Variants in RPRD2 observed in about 807,000 individuals in gnomAD.
RPRD2 encodes regulation of nuclear pre-mRNA domain-containing protein 2.
RPRD2 carries 12 observed loss-of-function variants against 104.4 expected under a neutral mutation model. That is an observed-to-expected ratio of 0.11 (90% CI 0.07 to 0.19). RPRD2 has a LOEUF of 0.19. RPRD2 is among the 10% of genes least tolerant of loss of function. The probability of loss-of-function intolerance (pLI) is 1.00; values close to 1 mark genes in which losing one functional copy is unlikely to be tolerated. For missense variants in RPRD2, 1,543 were observed against 1,790.1 expected, an observed-to-expected ratio of 0.86 and a Z score of 2.49; for synonymous variants, 714 against 684.9, an observed-to-expected ratio of 1.04 and a Z score of -0.66.
chr1:150,383,176 G>A (rs1203082495), intron 1 of RPRD2, among the ~76,000 whole-genome samples: 1 of 150,202 alleles, frequency 6.7e-6, no homozygotes, highest in African/African-American at 2.5e-5. Context: ...AAAATTTTTT[G>A]TAGAGATGAT....
intron 8 of RPRD2, among the ~76,000 whole-genome samples, chr1:150,458,315 G>A (rs943290168): frequency 7.2e-5 from 11 of 151,956 alleles, no homozygotes; most frequent in Non-Finnish European, 1.2e-4. Context: ...ATTAGTCAGC[G>A]TGGTGGCATG....
rs139603337 is a variant in RPRD2 at position 150,405,135 on chromosome 1, C to T, written c.206-12461C>T. The stretch of plus-strand genomic sequence containing the variant: ...TGGTTTGTTACAGATTTTTGTGATT[C>T]GCAGATCCTGGGTGAAAATGTATAC... On this transcript the variant is annotated intron_variant, in intron 1 of 10. Transcript: ENST00000369068. Among the ~76,000 whole-genome samples, 84 of 152,116 alleles carry T rather than the reference C, an allele frequency of 5.5e-4. No homozygotes were observed. The East Asian group carries it at 0.015, about 28-fold the overall frequency.
At chr1:150,379,925 G>C (rs139150054) in intron 1 of RPRD2, among the ~76,000 whole-genome samples, 5 of 152,096 alleles carry the variant, frequency 3.3e-5, no homozygotes, top group African/African-American at 9.7e-5. Context: ...CAATATAAAG[G>C]GTTTCTGAAA....
chr1:150,443,801 C>T (rs1375638819), intron 5 of RPRD2, among the ~76,000 whole-genome samples: 2 of 151,292 alleles, frequency 1.3e-5, no homozygotes, highest in African/African-American at 2.4e-5. Context: ...GTCAGGAGAT[C>T]GAGACCATCC....
chr1:150,456,931 A>G (rs1192524105), intron 7 of RPRD2, among the ~76,000 whole-genome samples: 12 of 151,192 alleles, frequency 7.9e-5, no homozygotes, highest in Non-Finnish European at 2.9e-5. Context: ...TTCTCAAAAA[A>G]AAAAAGAAGA....
rs1399734899 is a variant in RPRD2, at chr1:150,471,210, T to A, written c.2262T>A (p.Ser754=). The A allele has an allele frequency of 1.9e-6, 3 of 1,613,438 alleles. No homozygotes were observed. In the East Asian group the frequency reaches 6.7e-5, roughly 36 times the overall value. The change falls in exon 11 of 11, where the codon TCT becomes TCA. Residue 754 remains serine, a synonymous_variant. Coordinates refer to ENST00000369068, the MANE Select transcript of RPRD2 (RefSeq NM_015203.5). The surrounding 1 kb of genome is among the most constrained non-coding windows in gnomAD (Gnocchi z 5.3). ...SSSVDTMSLL[S]KIISPGSSTP... ...GTGTAGATACTATGTCCCTGCTTTCTAAGATCATTAGCCCTGGTTCCTCAA... is the reference window on the plus strand; with the variant it reads ...GTGTAGATACTATGTCCCTGCTTTCAAAGATCATTAGCCCTGGTTCCTCAA...
chr1:150,470,728 C>T lies in RPRD2; in HGVS notation c.1780C>T (p.Pro594Ser), dbSNP rs1320967803. The T allele has an allele frequency of 6.2e-7, 1 of 1,613,944 alleles. No individual in the cohort carries two copies. The highest frequency in any genetic ancestry group is 1.3e-5 in the African/African-American group (1 of 74,946). ...TATTCCCAAAAGCTTCAACTATTCT[C>T]CTAACTCATCAACTTCTGAAGTCTC... ...PFIPKSFNYS[P>S]NSSTSEVSST... The change falls in exon 11 of 11, where the codon CCT (proline) becomes TCT (serine). Residue 594 changes from proline (P) to serine (S), a missense_variant. Around this residue, in one of 4 missense-constraint regions of RPRD2, gnomAD observed 572 missense variants for 787.3 expected, o/e 0.73. Coordinates refer to ENST00000369068, the MANE Select transcript of RPRD2 (RefSeq NM_015203.5).
chr1:150,473,191 C>A lies in RPRD2; in HGVS notation c.4243C>A (p.Arg1415=), dbSNP rs773186260. ...CATCAGCCGGAGTGGTATAATCTTA[C>A]GGAGTCCCCGGCCAGACTTTCGGCC... ...DTISRSGIIL[R]SPRPDFRPRE... Residue 1415 remains arginine (R), a synonymous_variant, in exon 11 of 11, where the codon CGG becomes AGG. Coordinates refer to ENST00000369068, the MANE Select transcript of RPRD2 (RefSeq NM_015203.5). The A allele has an allele frequency of 6.8e-6, 11 of 1,613,988 alleles. No homozygotes were observed. In the Admixed American group the frequency reaches 1.8e-4, roughly 27 times the overall value.
chr1:150,457,499 C>T lies in RPRD2; in HGVS notation c.1082C>T (p.Pro361Leu), dbSNP rs782712810. ...AGTGAGAAATCTGCCACACCTGAAC[C>T]TGTGACAGATAATCGTGATGTGGAA... ...MESEKSATPE[P>L]VTDNRDVEDM... The change falls in exon 8 of 11, where the codon CCT (proline) becomes CTT (leucine). Residue 361 changes from proline (P) to leucine (L), a missense_variant. Pro to Leu is a moderately conservative substitution (Grantham distance 98). This residue lies in a region of RPRD2 where 572 missense variants were observed against 787.3 expected (regional missense o/e 0.73). Transcript: ENST00000369068. The T allele has an allele frequency of 5.0e-6, 8 of 1,613,398 alleles. No homozygotes were observed. The highest frequency in any genetic ancestry group is 6.8e-6 in the Non-Finnish European group (8 of 1,179,428).
chr1:150,422,820 G>A (rs2102293886), intron 2 of RPRD2, among the ~76,000 whole-genome samples: 1 of 152,252 alleles, frequency 6.6e-6, no homozygotes, highest in South Asian at 2.1e-4. Flanking sequence ...GGTGTTTATT[G>A]ATTTCACTTG....
In RPRD2 at chr1:150,441,741, A is replaced by C. The variant is rs932980297; in HGVS notation, c.437-140A>C. ...ATCGGGTAGGAATTTCTATTTTTTC[A>C]TAAAAATGAAAGAAAAGGAAAGAAA... On this transcript the variant is annotated intron_variant, in intron 3 of 10. Coordinates refer to ENST00000369068, the MANE Select transcript of RPRD2 (RefSeq NM_015203.5). 1.9e-5 allele frequency: 10 copies of C among 533,846 alleles called. No homozygotes were observed. In the East Asian group the frequency reaches 2.9e-4, roughly 15 times the overall value. The allele number at this position is 533,846 out of a possible 1,614,324, so 33.1% of individuals were successfully genotyped here.
intron 1 of RPRD2, among the ~76,000 whole-genome samples, chr1:150,375,137 A>G (rs587645283): frequency 6.6e-6 from 1 of 152,154 alleles, no homozygotes; most frequent in African/African-American, 2.4e-5. Flanking sequence ...AATGGTATAT[A>G]TTAAGCCTTT....
chr1:150,384,440 GCAT>G (rs57772151), intron 1 of RPRD2, among the ~76,000 whole-genome samples: 382 of 114,468 alleles, frequency 3.3e-3, no homozygotes, highest in African/African-American at 0.011. Flanking sequence ...GGAATAAAAG[GCAT>G]CATCATCATT....
chr1:150,401,459 G>T (rs1662998869), intron 1 of RPRD2, among the ~76,000 whole-genome samples: 1 of 150,126 alleles, frequency 6.7e-6, no homozygotes, highest in African/African-American at 2.4e-5. Context: ...CTGCACTCCA[G>T]CCTGGGCAAC....
chr1:150,443,182 C>T (rs1666521475), intron 4 of RPRD2, 49 bp from the exon 5 acceptor site: 1 of 1,454,634 alleles, frequency 6.9e-7, no homozygotes, highest in Non-Finnish European at 9.4e-7. Flanking sequence ...TCCTGTTAGT[C>T]AACTTTTTGT....
At chr1:150,381,739 C>T (rs1339254690) in intron 1 of RPRD2, among the ~76,000 whole-genome samples, 1 of 151,852 alleles carries the variant, frequency 6.6e-6, no homozygotes. Context: ...CTCCTAACCT[C>T]GTGATCCGCC....
At chr1:150,402,976 C>CA (rs113153301) in intron 1 of RPRD2, among the ~76,000 whole-genome samples, 55,132 of 146,224 alleles carry the variant, frequency 0.38, 10,226 homozygotes, top group Non-Finnish European at 0.41. Context: ...CTCAAAAAAA[C>CA]AAAAACAAAA....
At chr1:150,398,902 A>T (rs1025454821) in intron 1 of RPRD2, among the ~76,000 whole-genome samples, 1 of 152,174 alleles carries the variant, frequency 6.6e-6, no homozygotes, top group Non-Finnish European at 1.5e-5. Context: ...AGTTTATTTT[A>T]AAAATGTTAA....
At chr1:150,431,483 T>TTTTTTTTTTTTTTTTTTTTTTTG (rs1665577765) in intron 2 of RPRD2, among the ~76,000 whole-genome samples, 1 of 141,308 alleles carries the variant, frequency 7.1e-6, no homozygotes, top group Non-Finnish European at 1.5e-5. Flanking sequence ...ATTTTTTTTT[T>TTTTTTTTTTTTTTTTTTTTTTTG]TTTTTTTTTT....
Sources: allele counts gnomAD v4.1 joint callset (sites outside exome capture counted in the v4.1 genomes callset), GRCh38; gene constraint gnomAD v4.1.1; regional missense constraint gnomAD v4.1.1; non-coding constraint Gnocchi (gnomAD v3.1); transcripts MANE v1.5; gene names NCBI Gene and HGNC (gene_info 2026-07-23, HGNC 2026-07-21).